Variants in H1-10 observed in about 807,000 individuals in gnomAD.
H1-10 encodes the protein H1.10 linker histone.
For missense variants in H1-10, 307 were observed against 297.9 expected (o/e 1.03, Z -0.22); for synonymous variants, 191 against 140.9 (o/e 1.36, Z -2.52).
Position 129,315,275 on chromosome 3 carries a change from T to G in H1-10, c.628A>C (p.Lys210Gln). The G allele has an allele frequency of 6.9e-7, 1 of 1,439,868 alleles. No individual in the cohort carries two copies. The highest frequency in any genetic ancestry group is 9.1e-7 in the Non-Finnish European group (1 of 1,097,854). The allele number at this position is 1,439,868 out of a possible 1,614,324, so 89.2% of individuals were successfully genotyped here. The change falls in exon 1 of 1, where the codon AAG becomes CAG. Residue 210 changes from lysine (K) to glutamine (Q), a missense_variant. Lys to Gln is a moderately conservative substitution (Grantham distance 53). Transcript: ENST00000333762. ...AAKPSVPKVPKGRK is the reference protein window; with the variant it reads ...AAKPSVPKVPQGRK Reference sequence around the variant, plus strand: ...GGCCGACACGCTCACTTGCGGCCCTTGGGCACTTTGGGGACGCTGGGCTTG... The same window carrying G: ...GGCCGACACGCTCACTTGCGGCCCTGGGGCACTTTGGGGACGCTGGGCTTG...
In H1-10 at chr3:129,316,234, C is replaced by T. The variant is rs923236310; in HGVS notation, c.-332G>A. 1 of 165,818 alleles carries T rather than the reference C, an allele frequency of 6.0e-6. No homozygotes were observed. 10.3% of individuals were successfully genotyped at this position (165,818 alleles called of 1,614,324 possible). On this transcript the variant is annotated 5_prime_UTR_variant, in exon 1 of 1. Transcript: ENST00000333762. ...TCCCGCCGAACGCGAGACACCGCCG[C>T]CGCAGCTTCCACTGGCGCCTCTGGA...
Position 129,315,155 on chromosome 3 carries a change from C to A in H1-10, c.*106G>T, listed in dbSNP as rs908152509. The A allele has an allele frequency of 3.9e-6, 4 of 1,022,818 alleles. No homozygotes were observed. The highest frequency in any genetic ancestry group is 5.1e-6 in the Non-Finnish European group (4 of 792,050). 63.4% of individuals were successfully genotyped at this position (1,022,818 alleles called of 1,614,324 possible). ...GCCCCTCCCTGAGGCTCAGACCAGG[C>A]CTCGCGGCCCCGGCCGGCGTGAGCC... On this transcript the variant is annotated 3_prime_UTR_variant, in exon 1 of 1. Coordinates refer to ENST00000333762, the MANE Select transcript of H1-10 (RefSeq NM_006026.4).
chr3:129,315,819 C>T lies in H1-10; in HGVS notation c.84G>A (p.Ala28=). 2 of 1,603,202 alleles carry T rather than the reference C, an allele frequency of 1.2e-6. No individual in the cohort carries two copies. The highest frequency in any genetic ancestry group is 1.1e-5 in the South Asian group (1 of 89,066). ...AKKVTKAGGS[A]ALSPSKKRKN... ...TCCTCTTCTTAGATGGGGACAACGC[C>T]GCCGAGCCGCCAGCCTTGGTCACCT... The change falls in exon 1 of 1, where the codon GCG becomes GCA. Residue 28 remains alanine (A), a synonymous_variant. Coordinates refer to ENST00000333762, the MANE Select transcript of H1-10 (RefSeq NM_006026.4).
chr3:129,314,981 A>C lies in H1-10; in HGVS notation c.*280T>G. 1.6e-5 allele frequency: 4 copies of C among 247,228 alleles called. No homozygotes were observed. Among genetic ancestry groups the C allele is most frequent in the Non-Finnish European group, 2.3e-5 (3 of 130,926 alleles). 15.3% of individuals were successfully genotyped at this position (247,228 alleles called of 1,614,324 possible). ...CCGGTGGGCAGGCGCGGCCTCGGCC[A>C]TCGGCGCCTAGGGGCCAGTAACCAT... On this transcript the variant is annotated 3_prime_UTR_variant, in exon 1 of 1. Transcript: ENST00000333762.
At position 129,315,735 on chromosome 3, in the gene H1-10, G is replaced by A. The variant is rs78450275; in HGVS notation, c.168C>T (p.Ile56=). The change falls in exon 1 of 1, where the codon ATC becomes ATT. Residue 56 remains isoleucine, a synonymous_variant. Transcript: ENST00000333762. ...GKYSQLVVET[I]RRLGERNGSS... ...AGCCGTTGCGCTCGCCCAGCCTACG[G>A]ATGGTCTCCACCACCAGCTGGCTGT... 19,464 of 1,595,118 alleles carry A rather than the reference G, an allele frequency of 0.012. 1,913 individuals are homozygous for A. The East Asian group carries it at 0.27, about 22-fold the overall frequency.
In H1-10 at chr3:129,315,558, C is replaced by T. The variant is rs758740349; in HGVS notation, c.345G>A (p.Lys115=). 3 of 1,548,246 alleles carry T rather than the reference C, an allele frequency of 1.9e-6. No homozygotes were observed. Among genetic ancestry groups the T allele is most frequent in the Non-Finnish European group, 2.6e-6 (3 of 1,146,960 alleles). ...CGCCCTCCAGCTTCTTGCGGTTGAG[C>T]TTGAAGGAACCGTTGGCGCCGGTGC... The part of the protein sequence containing the change: ...VKGTGANGSF[K]LNRKKLEGGG... The change falls in exon 1 of 1, where the codon AAG becomes AAA. Residue 115 remains lysine (K), a synonymous_variant. Coordinates refer to ENST00000333762, the MANE Select transcript of H1-10 (RefSeq NM_006026.4).
rs1220366805 is a variant in H1-10, at chr3:129,315,864, G to A, written c.39C>T (p.Thr13=). ...TCACCTTCTTGGCCATTCCCTCGGCGGTCGTCACTGGCAGGGCCTCCTCGA... is the reference window on the plus strand; with the variant it reads ...TCACCTTCTTGGCCATTCCCTCGGCAGTCGTCACTGGCAGGGCCTCCTCGA... The part of the protein sequence containing the change: ...VELEEALPVT[T]AEGMAKKVTK... The change falls in exon 1 of 1, where the codon ACC becomes ACT. Residue 13 remains threonine, a synonymous_variant. Coordinates refer to ENST00000333762, the MANE Select transcript of H1-10 (RefSeq NM_006026.4). The A allele has an allele frequency of 6.3e-7, 1 of 1,597,644 alleles. No homozygotes were observed. Among genetic ancestry groups the A allele is most frequent in the Admixed American group, 1.7e-5 (1 of 58,086 alleles).
rs59159713 is a variant in H1-10 at position 129,314,918 on chromosome 3, T to C, written c.*343A>G. The C allele has an allele frequency of 0.052, 9,968 of 191,134 alleles. 1,008 individuals are homozygous for C. The highest frequency in any genetic ancestry group is 0.21 in the African/African-American group (9,168 of 42,998). The allele number at this position is 191,134 out of a possible 1,614,324, so 11.8% of individuals were successfully genotyped here. On this transcript the variant is annotated 3_prime_UTR_variant, in exon 1 of 1. Coordinates refer to ENST00000333762, the MANE Select transcript of H1-10 (RefSeq NM_006026.4). The stretch of plus-strand genomic sequence containing the variant: ...TGGGAAAGGATGCGCGGCCTCCGCG[T>C]CCCCGCGCGCCTGGGCCCGGCCAAC...
chr3:129,315,597 A>G lies in H1-10; in HGVS notation c.306T>C (p.Leu102=), dbSNP rs1392531511. ...TGGCGCCGGTGCCCTTCACCTGCAG[A>G]AGCGTGTCGTTCTGCACCAGCGCCT... ...SIKALVQNDT[L]LQVKGTGANG... is the part of the protein sequence containing the mutation. The change falls in exon 1 of 1, where the codon CTT becomes CTC. Residue 102 remains leucine (L), a synonymous_variant. Coordinates refer to ENST00000333762, the MANE Select transcript of H1-10 (RefSeq NM_006026.4). The G allele has an allele frequency of 1.9e-6, 3 of 1,559,450 alleles. No individual in the cohort carries two copies. The highest frequency in any genetic ancestry group is 1.7e-6 in the Non-Finnish European group (2 of 1,152,772).
At position 129,315,785 on chromosome 3, in the gene H1-10, T is replaced by C. The variant is rs1340111603; in HGVS notation, c.118A>G (p.Lys40Glu). ...TACTTGCCCGGCTGGTTCTTCTTCT[T>C]GCTATTCTTCCTCTTCTTAGATGGG... ...LSPSKKRKNS[K>E]KKNQPGKYSQ... The change falls in exon 1 of 1, where the codon AAG becomes GAG. Residue 40 changes from lysine (K) to glutamate (E), a missense_variant. Transcript: ENST00000333762. 6 of 1,605,018 alleles carry C rather than the reference T, an allele frequency of 3.7e-6. No individual in the cohort carries two copies. The highest frequency in any genetic ancestry group is 5.1e-6 in the Non-Finnish European group (6 of 1,176,432).
Position 129,315,193 on chromosome 3 carries a change from C to A in H1-10, c.*68G>T. ...GCCGGCGTGAGCCGTACAAAATCTA[C>A]GTCACTTGGGGTAGAAAAACAAAAA... On this transcript the variant is annotated 3_prime_UTR_variant, in exon 1 of 1. Coordinates refer to ENST00000333762, the MANE Select transcript of H1-10 (RefSeq NM_006026.4). The A allele has an allele frequency of 2.4e-6, 3 of 1,248,942 alleles. No individual in the cohort carries two copies. The highest frequency in any genetic ancestry group is 3.0e-6 in the Non-Finnish European group (3 of 990,728). The allele number at this position is 1,248,942 out of a possible 1,614,324, so 77.4% of individuals were successfully genotyped here. A position where few individuals can be genotyped will look rare whatever the true frequency, so the allele number is the denominator to read the frequency against.
In H1-10 at chr3:129,315,393, G is replaced by C. The variant is rs1474621589; in HGVS notation, c.510C>G (p.Arg170=). 1.3e-6 allele frequency: 2 copies of C among 1,538,418 alleles called. No homozygotes were observed. Among genetic ancestry groups the C allele is most frequent in the African/African-American group, 2.8e-5 (2 of 70,930 alleles). The change falls in exon 1 of 1, where the codon CGC becomes CGG. Residue 170 remains arginine (R), a synonymous_variant. Transcript: ENST00000333762. ...TGGCGCCAGCGCCCTTCTTGTGCGAGCGCTGCTCCGGCTTCTGGCCCCTGG... is the reference window on the plus strand; with the variant it reads ...TGGCGCCAGCGCCCTTCTTGTGCGACCGCTGCTCCGGCTTCTGGCCCCTGG... ...KPARGQKPEQ[R]SHKKGAGAKK...
At position 129,315,073 on chromosome 3, in the gene H1-10, G is replaced by C. The variant is rs1010463779; in HGVS notation, c.*188C>G. 5 of 437,970 alleles carry C rather than the reference G, an allele frequency of 1.1e-5. No homozygotes were observed. The highest frequency in any genetic ancestry group is 2.0e-5 in the African/African-American group (1 of 49,198). 27.1% of individuals were successfully genotyped at this position (437,970 alleles called of 1,614,324 possible). A position where few individuals can be genotyped will look rare whatever the true frequency, so the allele number is the denominator to read the frequency against. The stretch of plus-strand genomic sequence containing the variant: ...GCCGGGGCTGTTTCAAAAACCTAAA[G>C]CAAACAACGAAAAACGCTACATCGT... On this transcript the variant is annotated 3_prime_UTR_variant, in exon 1 of 1. Transcript: ENST00000333762.
At position 129,315,240 on chromosome 3, in the gene H1-10, C is replaced by T; in HGVS notation, c.*21G>A. 1 of 1,345,148 alleles carries T rather than the reference C, an allele frequency of 7.4e-7. No homozygotes were observed. Among genetic ancestry groups the T allele is most frequent in the South Asian group, 2.2e-5 (1 of 44,538 alleles). The allele number at this position is 1,345,148 out of a possible 1,614,324, so 83.3% of individuals were successfully genotyped here. ...AAAACACCGAAAAGCCCACGCCGGC[C>T]GCTCTGACCGGCCGACACGCTCACT... On this transcript the variant is annotated 3_prime_UTR_variant, in exon 1 of 1. Coordinates refer to ENST00000333762, the MANE Select transcript of H1-10 (RefSeq NM_006026.4).
chr3:129,315,513 G>A lies in H1-10; in HGVS notation c.390C>T (p.Ala130=), dbSNP rs1346966445. The A allele has an allele frequency of 2.0e-6, 3 of 1,534,118 alleles. No homozygotes were observed. Among genetic ancestry groups the A allele is most frequent in the East Asian group, 2.5e-5 (1 of 40,420 alleles). The change falls in exon 1 of 1, where the codon GCC becomes GCT. Residue 130 remains alanine, a synonymous_variant. Transcript: ENST00000333762. Reference sequence around the variant, plus strand: ...GGGCCGGGGCGGTGGCGGCCGCCGGGGCTCCGCGCCGCTCCCCGCCGCCCT... The same window carrying A: ...GGGCCGGGGCGGTGGCGGCCGCCGGAGCTCCGCGCCGCTCCCCGCCGCCCT... ...KLEGGGERRG[A]PAAATAPAPT...
chr3:129,315,302 C>T lies in H1-10; in HGVS notation c.601G>A (p.Ala201Thr). The change falls in exon 1 of 1, where the codon GCC (alanine) becomes ACC (threonine). Residue 201 changes from alanine (A) to threonine (T), a missense_variant. By Grantham distance (58) the Ala-to-Thr change is moderately conservative. Coordinates refer to ENST00000333762, the MANE Select transcript of H1-10 (RefSeq NM_006026.4). ...GGCACTTTGGGGACGCTGGGCTTGG[C>T]CGCCTTCTTCACCTTCTTGCCCCCG... ...AAGGKKVKKAAKPSVPKVPKG... is the reference protein window; with the variant it reads ...AAGGKKVKKATKPSVPKVPKG... 2 of 1,484,872 alleles carry T rather than the reference C, an allele frequency of 1.3e-6. No homozygotes were observed. Among genetic ancestry groups the T allele is most frequent in the Non-Finnish European group, 8.9e-7 (1 of 1,119,358 alleles). The allele number at this position is 1,484,872 out of a possible 1,614,324, so 92.0% of individuals were successfully genotyped here.
In H1-10 at chr3:129,315,774, G is replaced by A. The variant is rs971991486; in HGVS notation, c.129C>T (p.Asn43=). ...SKKRKNSKKK[N]QPGKYSQLVV... The stretch of plus-strand genomic sequence containing the variant: ...CCAGCTGGCTGTACTTGCCCGGCTG[G>A]TTCTTCTTCTTGCTATTCTTCCTCT... The change falls in exon 1 of 1, where the codon AAC becomes AAT. Residue 43 remains asparagine, a synonymous_variant. Transcript: ENST00000333762. 5.6e-6 allele frequency: 9 copies of A among 1,604,156 alleles called. No homozygotes were observed. The highest frequency in any genetic ancestry group is 1.1e-5 in the South Asian group (1 of 89,074).
At position 129,315,267 on chromosome 3, in the gene H1-10, G is replaced by T; in HGVS notation, c.636C>A (p.Arg212=). ...KPSVPKVPKG[R]K ...CTCTGACCGGCCGACACGCTCACTT[G>T]CGGCCCTTGGGCACTTTGGGGACGC... The change falls in exon 1 of 1, where the codon CGC becomes CGA. Residue 212 remains arginine, a synonymous_variant. Transcript: ENST00000333762. The T allele has an allele frequency of 7.1e-7, 1 of 1,411,426 alleles. No individual in the cohort carries two copies. The highest frequency in any genetic ancestry group is 9.2e-7 in the Non-Finnish European group (1 of 1,084,160). The allele number at this position is 1,411,426 out of a possible 1,614,324, so 87.4% of individuals were successfully genotyped here.
At position 129,315,151 on chromosome 3, in the gene H1-10, C is replaced by A. The variant is rs2071288936; in HGVS notation, c.*110G>T. The A allele has an allele frequency of 2.0e-6, 2 of 986,502 alleles. No individual in the cohort carries two copies. Among genetic ancestry groups the A allele is most frequent in the Non-Finnish European group, 2.6e-6 (2 of 759,242 alleles). 61.1% of individuals were successfully genotyped at this position (986,502 alleles called of 1,614,324 possible). On this transcript the variant is annotated 3_prime_UTR_variant, in exon 1 of 1. Coordinates refer to ENST00000333762, the MANE Select transcript of H1-10 (RefSeq NM_006026.4). The stretch of plus-strand genomic sequence containing the variant: ...CGGGGCCCCTCCCTGAGGCTCAGAC[C>A]AGGCCTCGCGGCCCCGGCCGGCGTG...
Sources: allele counts gnomAD v4.1 joint callset, GRCh38; gene constraint gnomAD v4.1.1; transcripts MANE v1.5; gene names NCBI Gene and HGNC (gene_info 2026-07-23, HGNC 2026-07-21).